VWA8: variants seen among roughly 807,000 people sequenced by gnomAD.
The protein encoded by VWA8 is von Willebrand factor A domain containing 8, also known as von Willebrand factor A domain-containing protein 8.
In VWA8, 221 loss-of-function variants were observed where a neutral mutation model predicts 241.5. The observed-to-expected ratio is 0.91, with a 90% CI of 0.82 to 1.02. The LOEUF is 1.02. VWA8 is among the 50% of genes least tolerant of loss of function. The pLI is 0.00. For synonymous variants in VWA8, 852 were observed against 827.1 expected, an observed-to-expected ratio of 1.03 and a Z score of -0.52; for missense variants, 2,322 against 2,328.7, an observed-to-expected ratio of 1.00 and a Z score of 0.06.
At chr13:41,845,140 T>C (rs1007642786) in intron 12 of VWA8, among the ~76,000 whole-genome samples, 4 of 151,976 alleles carry the variant, frequency 2.6e-5, no homozygotes, top group Non-Finnish European at 5.9e-5. Flanking sequence ...TTACATGACT[T>C]CATGAAAAGA....
chr13:41,801,852 T>C (rs74051681), intron 17 of VWA8, among the ~76,000 whole-genome samples: 9,344 of 152,304 alleles, frequency 0.061, 361 homozygotes, highest in East Asian at 0.12. Context: ...ACCCACTTTT[T>C]ATAATTATGT....
intron 2 of VWA8, among the ~76,000 whole-genome samples, chr13:41,935,707 C>G (rs957392092): frequency 1.3e-5 from 2 of 151,964 alleles, no homozygotes; most frequent in Admixed American, 6.6e-5. Flanking sequence ...CCACACTTCT[C>G]TCTAAACACA....
At chr13:41,769,400 A>G (rs1053731516) in intron 20 of VWA8, among the ~76,000 whole-genome samples, 1 of 152,270 alleles carries the variant, frequency 6.6e-6, no homozygotes, top group African/African-American at 2.4e-5. Context: ...TGTTGGGAGA[A>G]TAGATAAAGC....
chr13:41,754,110 A>T (rs2045675978), intron 21 of VWA8, among the ~76,000 whole-genome samples: 1 of 151,198 alleles, frequency 6.6e-6, no homozygotes, highest in Non-Finnish European at 1.5e-5. Flanking sequence ...CAGTGTATGT[A>T]TTTTTTTTTA....
chr13:41,877,013 T>C (rs1241436873), intron 9 of VWA8, among the ~76,000 whole-genome samples: 1 of 152,038 alleles, frequency 6.6e-6, no homozygotes, highest in African/African-American at 2.4e-5. Context: ...ATTAACGGGT[T>C]CCAAGTATTT....
At chr13:41,694,998 T>C (rs954944604) in intron 29 of VWA8, among the ~76,000 whole-genome samples, 2 of 152,202 alleles carry the variant, frequency 1.3e-5, no homozygotes, top group East Asian at 1.9e-4. Context: ...TCCATCCTTT[T>C]AGATGTTAAT....
chr13:41,768,731 A>G (rs1294023479), intron 20 of VWA8, among the ~76,000 whole-genome samples: 1 of 152,154 alleles, frequency 6.6e-6, no homozygotes, highest in East Asian at 1.9e-4. Context: ...TATTGGTATA[A>G]TTCTGAATAA....
intron 2 of VWA8, among the ~76,000 whole-genome samples, chr13:41,929,151 ATTT>A (rs367906772): frequency 3.9e-5 from 5 of 126,658 alleles, no homozygotes; most frequent in Non-Finnish European, 3.3e-5. Flanking sequence ...CTTGACTTTA[ATTT>A]TTTTTTTTTT....
intron 2 of VWA8, among the ~76,000 whole-genome samples, chr13:41,933,854 T>C (rs1261129323): frequency 2.0e-5 from 3 of 151,844 alleles, no homozygotes; most frequent in Non-Finnish European, 4.4e-5. Flanking sequence ...CAAGTACAAC[T>C]ACATCTAGAA....
intron 3 of VWA8, among the ~76,000 whole-genome samples, chr13:41,910,385 G>A (rs1357148822): frequency 6.6e-6 from 1 of 152,128 alleles, no homozygotes; most frequent in African/African-American, 2.4e-5. Flanking sequence ...AGGAGTTGGA[G>A]ACCAGCCTGC....
At chr13:41,741,488 G>C (rs1339737224) in intron 21 of VWA8, among the ~76,000 whole-genome samples, 1 of 152,072 alleles carries the variant, frequency 6.6e-6, no homozygotes, top group African/African-American at 2.4e-5. Flanking sequence ...TATCCTCCCA[G>C]CTGAACTATT....
intron 17 of VWA8, among the ~76,000 whole-genome samples, chr13:41,791,412 T>C (rs953237531): frequency 3.9e-5 from 6 of 151,956 alleles, no homozygotes; most frequent in Non-Finnish European, 1.5e-5. Context: ...ATTTTTGTTT[T>C]TCAGTTTTTT....
chr13:41,655,380 C>T (rs546222815), intron 37 of VWA8, among the ~76,000 whole-genome samples: 5 of 152,226 alleles, frequency 3.3e-5, no homozygotes, highest in East Asian at 3.9e-4. Flanking sequence ...TGAGCCACCA[C>T]GCCCAGCCAG....
chr13:41,645,742 C>T (rs1307791793), intron 37 of VWA8, among the ~76,000 whole-genome samples: 1 of 152,208 alleles, frequency 6.6e-6, no homozygotes, highest in South Asian at 2.1e-4. Flanking sequence ...AAAGGCAGTT[C>T]TCTCTCTACT....
At chr13:41,581,359 C>G (rs1223908999) in intron 42 of VWA8, among the ~76,000 whole-genome samples, 3 of 152,206 alleles carry the variant, frequency 2.0e-5, no homozygotes, top group African/African-American at 7.2e-5. Flanking sequence ...AGAAAGCCCT[C>G]AGAGCCTGTG....
At chr13:41,694,532 A>G (rs1233019656) in intron 29 of VWA8, among the ~76,000 whole-genome samples, 1 of 152,058 alleles carries the variant, frequency 6.6e-6, no homozygotes, top group African/African-American at 2.4e-5. Context: ...TGGTAATGAT[A>G]TCTTAGAGTT....
intron 12 of VWA8, 120 bp from the exon 13 acceptor site, chr13:41,833,651 C>G (rs1308018495): frequency 8.6e-7 from 1 of 1,156,418 alleles, no homozygotes; most frequent in Non-Finnish European, 1.1e-6. Flanking sequence ...CATATAGTAA[C>G]AGAGAAGTCA....
chr13:41,825,404 C>T (rs1888556), intron 14 of VWA8, among the ~76,000 whole-genome samples: 42,215 of 152,014 alleles, frequency 0.28, 5,890 homozygotes, highest in African/African-American at 0.33. Context: ...CCAATTGCTA[C>T]AGTTGGAACA....
intron 37 of VWA8, among the ~76,000 whole-genome samples, chr13:41,626,172 T>C (rs901463538): frequency 1.9e-4 from 29 of 151,948 alleles, no homozygotes; most frequent in African/African-American, 6.8e-4. Flanking sequence ...ACATGGCACA[T>C]GTATACATAT....
Sources: allele counts gnomAD v4.1 joint callset (sites outside exome capture counted in the v4.1 genomes callset), GRCh38; gene constraint gnomAD v4.1.1; transcripts MANE v1.5; gene names NCBI Gene and HGNC (gene_info 2026-07-23, HGNC 2026-07-21).